NRXN3: variants seen among roughly 807,000 people sequenced by gnomAD.
The protein encoded by NRXN3 is neurexin III.
In NRXN3, 32 loss-of-function variants were observed where a neutral mutation model predicts 137.6. The observed-to-expected ratio is 0.23, with a 90% confidence interval of 0.18 to 0.31. The LOEUF (loss-of-function observed/expected upper bound fraction) is 0.31, where lower values mean the gene tolerates loss of function less well. Among genes scored for constraint, NRXN3 ranks in the 10% least tolerant of loss-of-function variants. NRXN3 has a pLI of 1.00. For synonymous variants in NRXN3, 798 were observed against 784.5 expected (o/e 1.02, Z -0.29); for missense variants, 1,574 against 2,062.5 (o/e 0.76, Z 4.59).
At chr14:79,302,799 A>G (rs2085367282) in intron 15 of NRXN3, among the ~76,000 whole-genome samples, 1 of 151,926 alleles carries the variant, frequency 6.6e-6, no homozygotes, top group Non-Finnish European at 1.5e-5. Flanking sequence ...AAGTTTCCTG[A>G]GGCTTCCCAA....
intron 10 of NRXN3, among the ~76,000 whole-genome samples, chr14:78,877,910 G>A (rs555933539): frequency 6.6e-6 from 1 of 152,182 alleles, no homozygotes; most frequent in Non-Finnish European, 1.5e-5. Context: ...TCCCATAGAG[G>A]TTGCAGTTTG....
At chr14:79,230,519 G>A (rs1426907128) in intron 15 of NRXN3, among the ~76,000 whole-genome samples, 1 of 152,168 alleles carries the variant, frequency 6.6e-6, no homozygotes, top group Non-Finnish European at 1.5e-5. Context: ...ACATAAAGCA[G>A]TGCCACAGGT....
At chr14:79,825,358 A>G (rs995525368) in intron 20 of NRXN3, among the ~76,000 whole-genome samples, 16 of 151,474 alleles carry the variant, frequency 1.1e-4, no homozygotes, top group Non-Finnish European at 2.2e-4. Context: ...TTCTTCCTCT[A>G]CTCTCTTCAC....
intron 4 of NRXN3, among the ~76,000 whole-genome samples, chr14:78,323,128 G>A (rs2079598254): frequency 6.6e-6 from 1 of 151,990 alleles, no homozygotes; most frequent in African/African-American, 2.4e-5. Context: ...GGATAAATAG[G>A]AAAAGAACTT....
intron 19 of NRXN3, among the ~76,000 whole-genome samples, chr14:79,776,719 G>A (rs1488643693): frequency 1.3e-5 from 2 of 152,326 alleles, no homozygotes; most frequent in East Asian, 1.9e-4. Context: ...AATGTGGCTA[G>A]AGGCTAAAAG....
chr14:79,080,687 C>T (rs1189197009), intron 15 of NRXN3, among the ~76,000 whole-genome samples: 2 of 152,140 alleles, frequency 1.3e-5, no homozygotes, highest in Admixed American at 1.3e-4. Context: ...ATTCCTATAT[C>T]CTACAAGAGC....
intron 2 of NRXN3, chr14:78,249,961 C>T (rs2068330124): frequency 8.4e-6 from 3 of 357,606 alleles, no homozygotes; most frequent in African/African-American, 2.2e-5. Context: ...TCAGTATCTT[C>T]TTTAGTAACA....
intron 16 of NRXN3, among the ~76,000 whole-genome samples, chr14:79,480,456 G>T (rs1567238302): frequency 6.6e-6 from 1 of 152,156 alleles, no homozygotes; most frequent in Non-Finnish European, 1.5e-5. Flanking sequence ...ACAAAGCACA[G>T]CCGCCTCTTA....
At chr14:78,913,854 C>T (rs1335458937) in intron 10 of NRXN3, among the ~76,000 whole-genome samples, 8 of 152,046 alleles carry the variant, frequency 5.3e-5, no homozygotes, top group Non-Finnish European at 1.2e-4. Flanking sequence ...ATCTCAGGAT[C>T]GTCTTTTCTT....
chr14:79,238,017 C>A (rs964205874), intron 15 of NRXN3, among the ~76,000 whole-genome samples: 4 of 152,000 alleles, frequency 2.6e-5, no homozygotes, highest in African/African-American at 9.7e-5. Context: ...TAAATCCAAG[C>A]TTGATAGTAG....
chr14:79,564,865 T>A (rs2097532806), intron 16 of NRXN3, among the ~76,000 whole-genome samples: 1 of 152,046 alleles, frequency 6.6e-6, no homozygotes, highest in Admixed American at 6.6e-5. Flanking sequence ...AAGGAATGCA[T>A]TTATGTCAAG....
At chr14:79,030,158 G>A (rs981715009) in intron 15 of NRXN3, among the ~76,000 whole-genome samples, 1 of 150,288 alleles carries the variant, frequency 6.7e-6, no homozygotes, top group Non-Finnish European at 1.5e-5. Flanking sequence ...TAGAATTGCA[G>A]GTGTGAGCCA....
chr14:78,268,337 T>C (rs1465286958), intron 2 of NRXN3, among the ~76,000 whole-genome samples: 1 of 152,232 alleles, frequency 6.6e-6, no homozygotes, highest in Non-Finnish European at 1.5e-5. Flanking sequence ...TGTGATGTTG[T>C]ATTTTTATGG....
At chr14:79,241,447 A>G (rs1350244256) in intron 15 of NRXN3, among the ~76,000 whole-genome samples, 1 of 152,180 alleles carries the variant, frequency 6.6e-6, no homozygotes, top group African/African-American at 2.4e-5. Flanking sequence ...GCAAAGGCAC[A>G]TCTTACATGG....
chr14:79,483,773 G>A (rs1206898498), intron 16 of NRXN3, among the ~76,000 whole-genome samples: 1 of 151,894 alleles, frequency 6.6e-6, no homozygotes, highest in African/African-American at 2.4e-5. Context: ...AATGATGCGT[G>A]TGTGTGTGTG....
At chr14:78,289,114 A>AATC (rs1364840496) in intron 3 of NRXN3, among the ~76,000 whole-genome samples, 5 of 152,180 alleles carry the variant, frequency 3.3e-5, no homozygotes, top group African/African-American at 1.2e-4. Context: ...AGTCTCTGGA[A>AATC]ATCATCATCA....
intron 4 of NRXN3, among the ~76,000 whole-genome samples, chr14:78,322,955 C>T (rs906594287): frequency 1.3e-5 from 2 of 151,972 alleles, no homozygotes; most frequent in African/African-American, 2.4e-5. Flanking sequence ...GTGTCACCTT[C>T]GTGTCTCCCC....
At chr14:79,225,631 C>G (rs941478684) in intron 15 of NRXN3, among the ~76,000 whole-genome samples, 1 of 151,940 alleles carries the variant, frequency 6.6e-6, no homozygotes, top group Non-Finnish European at 1.5e-5. Context: ...ACTTTTTACC[C>G]CCTGAAAGAC....
intron 16 of NRXN3, among the ~76,000 whole-genome samples, chr14:79,485,029 C>G (rs1300302156): frequency 6.6e-6 from 1 of 151,650 alleles, no homozygotes; most frequent in Non-Finnish European, 1.5e-5. Flanking sequence ...AATACATTAC[C>G]TATAATGTTC....
Sources: gnomAD v4.1 joint callset for allele counts (sites outside exome capture counted in the v4.1 genomes callset) on GRCh38, gnomAD v4.1.1 for gene constraint, MANE v1.5 for transcripts, NCBI Gene and HGNC (gene_info 2026-07-23, HGNC 2026-07-21) for gene names.